DCDC2C: variants seen among roughly 807,000 people sequenced by gnomAD.
DCDC2C encodes the protein doublecortin domain containing 2C, also known as doublecortin domain-containing protein 2C.
Under a neutral mutation model 45.0 loss-of-function variants are expected in DCDC2C, and 44 were observed. The ratio of observed to expected loss-of-function variants is 0.98; its 90% confidence interval spans 0.77 to 1.26. DCDC2C has a LOEUF of 1.26. DCDC2C is among the 50% of genes most tolerant of loss of function. DCDC2C has a pLI of 0.00. For synonymous variants in DCDC2C, 187 were observed against 178.8 expected, an observed-to-expected ratio of 1.05 and a Z score of -0.37; for missense variants, 447 against 468.9, an observed-to-expected ratio of 0.95 and a Z score of 0.43.
chr2:3,799,066 G>A lies in DCDC2C; in HGVS notation c.1065+13966G>A, dbSNP rs1284299351. ...CGCATATTTCTTGGAGGCTTTGCTT[G>A]TTTCTTTTTATTCTTTTTTCTCTAA... On this transcript the variant is annotated intron_variant, in intron 10 of 10. Transcript: ENST00000399143. Among the ~76,000 whole-genome samples, 6 of 152,114 alleles carry A rather than the reference G, an allele frequency of 3.9e-5. 1 individual carries two copies. Among genetic ancestry groups the A allele is most frequent in the Admixed American group, 1.3e-4 (2 of 15,260 alleles).
chr2:3,718,928 C>T (rs893262999), intron 2 of DCDC2C, among the ~76,000 whole-genome samples: 2 of 152,144 alleles, frequency 1.3e-5, no homozygotes, highest in African/African-American at 2.4e-5. Context: ...GTGTGTTTTA[C>T]AATCCTCTTG....
intron 10 of DCDC2C, among the ~76,000 whole-genome samples, chr2:3,794,042 T>C (rs534351554): frequency 1.1e-3 from 175 of 152,368 alleles, no homozygotes; most frequent in Non-Finnish European, 2.2e-3. Flanking sequence ...AGTTACAATG[T>C]GGAATCAGAA....
intron 10 of DCDC2C, among the ~76,000 whole-genome samples, chr2:3,809,867 G>A (rs753129343): frequency 2.0e-4 from 31 of 152,104 alleles, no homozygotes; most frequent in Non-Finnish European, 2.9e-4. Context: ...TCCTGTGTTA[G>A]TTTGCTGAGG....
intron 9 of DCDC2C, among the ~76,000 whole-genome samples, chr2:3,783,146 G>A (rs571389072): frequency 2.0e-5 from 3 of 152,306 alleles, no homozygotes; most frequent in East Asian, 1.9e-4. Context: ...CTTTCAAATA[G>A]TATTTAGGTG....
In DCDC2C at chr2:3,761,467, C is replaced by A. The variant is rs920819686; in HGVS notation, c.727-6287C>A. ...CCACACTTTAATAACCTGTTCTGAACAGTAAATTTCACTGTGAAATGAGTG... is the reference window on the plus strand; with the variant it reads ...CCACACTTTAATAACCTGTTCTGAAAAGTAAATTTCACTGTGAAATGAGTG... On this transcript the variant is annotated intron_variant, in intron 6 of 10. Transcript: ENST00000399143. The surrounding 1 kb of genome is among the most constrained non-coding windows in gnomAD (Gnocchi z 4.3). Among the ~76,000 whole-genome samples the A allele has an allele frequency of 6.6e-6, 1 of 152,144 alleles. No homozygotes were observed. Among genetic ancestry groups the A allele is most frequent in the African/African-American group, 2.4e-5 (1 of 41,422 alleles).
At chr2:3,796,982 A>T (rs924494717) in intron 10 of DCDC2C, among the ~76,000 whole-genome samples, 9 of 152,146 alleles carry the variant, frequency 5.9e-5, no homozygotes, top group Non-Finnish European at 1.2e-4. Context: ...GAATTCGGCT[A>T]TGAATCCGTC....
At chr2:3,732,891 G>A (rs1158723228) in intron 3 of DCDC2C, among the ~76,000 whole-genome samples, 1 of 152,218 alleles carries the variant, frequency 6.6e-6, no homozygotes, top group African/African-American at 2.4e-5. Context: ...CTTTGGACAT[G>A]TGGGCTCTTC....
intron 2 of DCDC2C, among the ~76,000 whole-genome samples, chr2:3,711,792 A>T (rs1412567107): frequency 1.3e-5 from 2 of 152,240 alleles, no homozygotes; most frequent in East Asian, 3.8e-4. Context: ...TAGAATTAAC[A>T]CGCATTATTT....
At chr2:3,739,787 A>G (rs1219144736) in intron 3 of DCDC2C, among the ~76,000 whole-genome samples, 1 of 152,246 alleles carries the variant, frequency 6.6e-6, no homozygotes, top group Non-Finnish European at 1.5e-5. Context: ...GCAACAAGGC[A>G]GGGGTCTAAT....
At chr2:3,813,375 T>A (rs1572636186) in intron 10 of DCDC2C, among the ~76,000 whole-genome samples, 1 of 152,292 alleles carries the variant, frequency 6.6e-6, no homozygotes, top group East Asian at 1.9e-4. Flanking sequence ...CCAAAGAATG[T>A]ATATTCTGTT....
chr2:3,772,872 T>A (rs1309140404), intron 8 of DCDC2C, among the ~76,000 whole-genome samples: 1 of 152,160 alleles, frequency 6.6e-6, no homozygotes, highest in Non-Finnish European at 1.5e-5. Context: ...GTTTCAAGGC[T>A]CCTAGCTGTT....
Position 3,703,858 on chromosome 2 carries a change from C to T in DCDC2C, c.107C>T (p.Ser36Leu). The T allele has an allele frequency of 7.8e-7, 1 of 1,287,654 alleles. No individual in the cohort carries two copies. The highest frequency in any genetic ancestry group is 9.9e-7 in the Non-Finnish European group (1 of 1,013,042). 79.8% of individuals were successfully genotyped at this position (1,287,654 alleles called of 1,614,324 possible). A position where few individuals can be genotyped will look rare whatever the true frequency, so the allele number is the denominator to read the frequency against. ...PFYVGKKFVLSRRRAATFEAL... is the reference protein window; with the variant it reads ...PFYVGKKFVLLRRRAATFEAL... The stretch of plus-strand genomic sequence containing the variant: ...TACGTGGGCAAGAAGTTCGTGCTGT[C>T]GCGGCGCCGCGCGGCCACCTTCGAG... The change falls in exon 1 of 11, where the codon TCG becomes TTG. Residue 36 changes from serine (S) to leucine (L), a missense_variant. Physicochemically the swap from Ser to Leu is moderately radical, Grantham distance 145 (BLOSUM62 -2). Coordinates refer to ENST00000399143, the MANE Select transcript of DCDC2C (RefSeq NM_001287444.2). The surrounding 1 kb of genome is among the most constrained non-coding windows in gnomAD (Gnocchi z 4.4).
At chr2:3,769,276 G>C in intron 7 of DCDC2C, 35 bp from the exon 8 acceptor site, 2 of 1,537,170 alleles carry the variant, frequency 1.3e-6, no homozygotes, top group Non-Finnish European at 1.8e-6. Flanking sequence ...CTTCTCCATG[G>C]GTTTCAAAAG....
intron 10 of DCDC2C, among the ~76,000 whole-genome samples, chr2:3,840,380 A>T (rs1364001321): frequency 3.9e-5 from 6 of 152,356 alleles, no homozygotes; most frequent in Admixed American, 3.9e-4. Context: ...CCTATGAGGA[A>T]GAAGGGAAAG....
intron 10 of DCDC2C, among the ~76,000 whole-genome samples, chr2:3,828,786 C>A (rs932894439): frequency 6.6e-6 from 1 of 152,176 alleles, no homozygotes; most frequent in Admixed American, 6.5e-5. Flanking sequence ...CACCTTGTTT[C>A]CGAAACATTG....
At chr2:3,707,364 T>C (rs1051016303) in intron 1 of DCDC2C, among the ~76,000 whole-genome samples, 1 of 152,184 alleles carries the variant, frequency 6.6e-6, no homozygotes, top group Non-Finnish European at 1.5e-5. Context: ...TAAACAAATA[T>C]GGAATTTGGG....
intron 10 of DCDC2C, among the ~76,000 whole-genome samples, chr2:3,805,503 T>C (rs1054537354): frequency 2.0e-5 from 3 of 152,218 alleles, no homozygotes; most frequent in Non-Finnish European, 2.9e-5. Flanking sequence ...AGGGGCTTTA[T>C]TAGTGCTGCC....
intron 2 of DCDC2C, among the ~76,000 whole-genome samples, chr2:3,710,632 G>A (rs376656519): frequency 3.3e-5 from 5 of 152,048 alleles, no homozygotes; most frequent in South Asian, 2.1e-4. Flanking sequence ...CATTCCCTCC[G>A]TCCGCCATCT....
Position 3,752,853 on chromosome 2 carries a change from A to G in DCDC2C, c.636A>G (p.Lys212=). 1 of 1,550,516 alleles carries G rather than the reference A, an allele frequency of 6.4e-7. No homozygotes were observed. Among genetic ancestry groups the G allele is most frequent in the Non-Finnish European group, 8.7e-7 (1 of 1,146,950 alleles). ...FYVAVGLETF[K]YFPYWKSPRV... The stretch of plus-strand genomic sequence containing the variant: ...TTGCTGTGGGACTGGAGACCTTCAA[A>G]TATTTTCCTTACTGGAAGTCTCCAA... The change falls in exon 5 of 11, where the codon AAA becomes AAG. Residue 212 remains lysine (K), a synonymous_variant. Transcript: ENST00000399143.
Sources: gnomAD v4.1 joint callset for allele counts (sites outside exome capture counted in the v4.1 genomes callset) on GRCh38, gnomAD v4.1.1 for gene constraint, Gnocchi (gnomAD v3.1) non-coding constraint, MANE v1.5 for transcripts, NCBI Gene and HGNC (gene_info 2026-07-23, HGNC 2026-07-21) for gene names.